The following NEBL variants were observed in gnomAD, a reference collection of about 807,000 sequenced individuals.
NEBL encodes the protein nebulette.
NEBL carries 122 observed loss-of-function variants against 140.2 expected under a neutral mutation model. The ratio of observed to expected loss-of-function variants is 0.87; its 90% CI spans 0.75 to 1.01. The LOEUF is 1.01. Among genes scored for constraint, NEBL ranks in the 50% least tolerant of loss-of-function variants. NEBL has a pLI of 0.00. For synonymous variants in NEBL, 436 were observed against 398.9 expected (o/e 1.09, Z -1.11); for missense variants, 1,365 against 1,231.3 (o/e 1.11, Z -1.62).
At chr10:21,065,521 G>A (rs1423984990) in intron 2 of NEBL, among the ~76,000 whole-genome samples, 1 of 152,206 alleles carries the variant, frequency 6.6e-6, no homozygotes, top group Non-Finnish European at 1.5e-5. Flanking sequence ...TCAGAAGAAA[G>A]AAGGTGTGAA....
At chr10:20,987,889 C>T (rs1318666871) in intron 3 of NEBL, among the ~76,000 whole-genome samples, 2 of 152,186 alleles carry the variant, frequency 1.3e-5, no homozygotes, top group Non-Finnish European at 2.9e-5. Context: ...ACTGGAATTG[C>T]CCACCAGTCT....
intron 4 of NEBL, among the ~76,000 whole-genome samples, chr10:20,906,675 T>C (rs530874354): frequency 3.3e-5 from 5 of 152,074 alleles, no homozygotes; most frequent in African/African-American, 1.2e-4. Context: ...CTATGTTCAT[T>C]CAATCATTCA....
chr10:21,002,379 C>A (rs1373409157), intron 3 of NEBL, among the ~76,000 whole-genome samples: 1 of 152,158 alleles, frequency 6.6e-6, no homozygotes, highest in African/African-American at 2.4e-5. Flanking sequence ...ACTACCTAAA[C>A]CTTATAAAGT....
At chr10:21,002,159 G>GGA (rs944540115) in intron 3 of NEBL, among the ~76,000 whole-genome samples, 1 of 151,794 alleles carries the variant, frequency 6.6e-6, no homozygotes, top group Non-Finnish European at 1.5e-5. Context: ...TGGGAAGGAG[G>GGA]GAGGGTTTTT....
chr10:20,801,610 C>A (rs1163611150), intron 26 of NEBL, among the ~76,000 whole-genome samples: 1 of 152,002 alleles, frequency 6.6e-6, no homozygotes, highest in African/African-American at 2.4e-5. Context: ...AAAACAGTAC[C>A]CGTTTCTTTT....
At chr10:21,097,891 T>C (rs566539455) in intron 2 of NEBL, among the ~76,000 whole-genome samples, 1 of 152,288 alleles carries the variant, frequency 6.6e-6, no homozygotes, top group East Asian at 1.9e-4. Flanking sequence ...ACAAGGGCAG[T>C]CACCTTCTGT....
At chr10:21,263,534 A>G (rs1842764679) in intron 1 of NEBL, among the ~76,000 whole-genome samples, 1 of 152,188 alleles carries the variant, frequency 6.6e-6, no homozygotes, top group African/African-American at 2.4e-5. Flanking sequence ...TTAGCATAGC[A>G]TGCTTACTTG....
intron 4 of NEBL, among the ~76,000 whole-genome samples, chr10:20,922,329 C>T (rs1833630637): frequency 6.6e-6 from 1 of 152,208 alleles, no homozygotes; most frequent in South Asian, 2.1e-4. Flanking sequence ...TCTGAATGCA[C>T]TAAGTGCTTC....
intron 2 of NEBL, among the ~76,000 whole-genome samples, chr10:21,108,387 A>C (rs1837819057): frequency 6.6e-6 from 1 of 152,186 alleles, no homozygotes; most frequent in Non-Finnish European, 1.5e-5. Context: ...TTTTCAAAGA[A>C]CATCTTTATT....
At position 20,892,353 on chromosome 10, in the gene NEBL, G is replaced by A. The variant is rs569134477; in HGVS notation, c.154-2404C>T. Reference sequence around the variant, plus strand: ...TTTTTCTTTCTCAATCAAAGGGAAGGCAGCAGCAATGATGTCATTACCAAG... The same window carrying A: ...TTTTTCTTTCTCAATCAAAGGGAAGACAGCAGCAATGATGTCATTACCAAG... On this transcript the variant is annotated intron_variant, in intron 2 of 27. Coordinates refer to ENST00000377122, the MANE Select transcript of NEBL (RefSeq NM_006393.3). 1.3e-3 allele frequency among the ~76,000 whole-genome samples: 201 copies of A among 152,314 alleles called. 1 individual carries two copies. The highest frequency in any genetic ancestry group is 3.4e-3 in the Middle Eastern group (1 of 294).
In NEBL at chr10:20,813,963, T is replaced by C; in HGVS notation, c.2322A>G (p.Lys774=). Residue 774 remains lysine, a synonymous_variant, in exon 23 of 28, where the codon AAA becomes AAG. Coordinates refer to ENST00000377122, the MANE Select transcript of NEBL (RefSeq NM_006393.3). ...CCATTGAAATATGATTTTGTGCTTCTTTAACATGTCTCATAGCAGGTGTAT... is the reference window on the plus strand; with the variant it reads ...CCATTGAAATATGATTTTGTGCTTCCTTAACATGTCTCATAGCAGGTGTAT... ...ILDTPAMRHV[K]EAQNHISMVK... 1.2e-6 allele frequency: 2 copies of C among 1,605,158 alleles called. No homozygotes were observed. The highest frequency in any genetic ancestry group is 2.2e-5 in the South Asian group (2 of 90,864).
At chr10:21,205,339 T>G (rs1273152473) in intron 3 of NEBL, among the ~76,000 whole-genome samples, 3 of 152,210 alleles carry the variant, frequency 2.0e-5, no homozygotes, top group Non-Finnish European at 2.9e-5. Context: ...AAGAGCTGAA[T>G]GAATGTGTAT....
intron 2 of NEBL, among the ~76,000 whole-genome samples, chr10:21,026,261 G>A (rs749550355): frequency 6.6e-6 from 1 of 152,146 alleles, no homozygotes; most frequent in Admixed American, 6.5e-5. Flanking sequence ...GAGTGAGTAG[G>A]GAGGGGAAAA....
At chr10:21,094,832 A>T (rs1837106076) in intron 2 of NEBL, among the ~76,000 whole-genome samples, 1 of 152,210 alleles carries the variant, frequency 6.6e-6, no homozygotes, top group African/African-American at 2.4e-5. Flanking sequence ...TCACCGAACC[A>T]GATTCAGCAA....
upstream of NEBL, among the ~76,000 whole-genome samples, chr10:20,899,849 T>C (rs537127662): frequency 6.6e-6 from 1 of 152,224 alleles, no homozygotes; most frequent in Non-Finnish European, 1.5e-5. Context: ...GGATGAAGTC[T>C]TTAATGGATC....
intron 2 of NEBL, among the ~76,000 whole-genome samples, chr10:21,023,524 T>G (rs2131779559): frequency 6.6e-6 from 1 of 151,958 alleles, no homozygotes; most frequent in South Asian, 2.1e-4. Context: ...TGAAACCCAG[T>G]CTCTACTAAA....
At chr10:20,872,928 G>A (rs762543872) in intron 5 of NEBL, among the ~76,000 whole-genome samples, 10 of 152,170 alleles carry the variant, frequency 6.6e-5, no homozygotes, top group Non-Finnish European at 1.0e-4. Context: ...AGCAGCCTTC[G>A]GGGCTGCTCT....
intron 3 of NEBL, among the ~76,000 whole-genome samples, chr10:21,226,296 A>G (rs1376825782): frequency 1.3e-5 from 2 of 151,618 alleles, no homozygotes; most frequent in Non-Finnish European, 2.9e-5. Context: ...CTCCTCAAGC[A>G]GAAGGAAGGA....
chr10:20,868,574 A>C, intron 7 of NEBL, 90 bp downstream of exon 7: 1 of 918,798 alleles, frequency 1.1e-6, no homozygotes, highest in East Asian at 2.4e-5. Flanking sequence ...CTTGCAATTA[A>C]AGATATTATC....
Sources: allele counts gnomAD v4.1 joint callset (sites outside exome capture counted in the v4.1 genomes callset), GRCh38; gene constraint gnomAD v4.1.1; transcripts MANE v1.5; gene names NCBI Gene and HGNC (gene_info 2026-07-23, HGNC 2026-07-21).